The following PLXNA2 variants were observed in gnomAD, a reference collection of about 807,000 sequenced individuals.
PLXNA2 encodes plexin A2.
A neutral mutation model predicts 193.5 loss-of-function variants in PLXNA2; 91 were observed. That is an observed-to-expected ratio of 0.47 (90% CI 0.40 to 0.56). The LOEUF is 0.56. Ranked by LOEUF, PLXNA2 falls within the 20% of genes least tolerant of loss-of-function variation. The pLI is 0.00. For missense variants in PLXNA2, 1,995 were observed against 2,503.2 expected, an observed-to-expected ratio of 0.80 and a Z score of 4.33; for synonymous variants, 997 against 1,027.3, an observed-to-expected ratio of 0.97 and a Z score of 0.56.
intron 1 of PLXNA2, among the ~76,000 whole-genome samples, chr1:208,220,804 C>T (rs535315179): frequency 6.6e-6 from 1 of 152,120 alleles, no homozygotes; most frequent in Non-Finnish European, 1.5e-5. Flanking sequence ...CAGCTCTTGA[C>T]TTCTCTTTTT....
intron 3 of PLXNA2, among the ~76,000 whole-genome samples, chr1:208,163,644 G>A (rs1441584340): frequency 6.6e-6 from 1 of 152,212 alleles, no homozygotes; most frequent in Non-Finnish European, 1.5e-5. Flanking sequence ...TCCCCAGGAA[G>A]CTTTTCCTGA....
In PLXNA2 at chr1:208,179,871, AC is replaced by A. The variant is rs533109279; in HGVS notation, c.1371+30408del. On this transcript the variant is annotated intron_variant, in intron 3 of 31. Coordinates refer to ENST00000367033, the MANE Select transcript of PLXNA2 (RefSeq NM_025179.4). ...TCTTCCTTCTACAGTATCCCCTGCC[AC>A]CCCCCAACCCCTGCCTAAGGCATCT... Among the ~76,000 whole-genome samples, 120 of 151,820 alleles carry A rather than the reference AC, an allele frequency of 7.9e-4. 1 individual carries two copies. The highest frequency in any genetic ancestry group is 3.4e-3 in the Middle Eastern group (1 of 294).
intron 4 of PLXNA2, among the ~76,000 whole-genome samples, chr1:208,127,295 A>G (rs1668004565): frequency 6.6e-6 from 1 of 152,152 alleles, no homozygotes; most frequent in East Asian, 1.9e-4. Context: ...ACATACACAT[A>G]CTCCTTTTAT....
intron 4 of PLXNA2, among the ~76,000 whole-genome samples, chr1:208,104,172 T>C (rs1416864279): frequency 6.6e-6 from 1 of 152,204 alleles, no homozygotes; most frequent in Non-Finnish European, 1.5e-5. Context: ...GTCCCCCACC[T>C]ACCAGATGTG....
rs1553297870 is a variant in PLXNA2 at position 208,209,983 on chromosome 1, A to ATTTTT, written c.1371+292_1371+296dup. 8.0e-4 allele frequency: 70 copies of ATTTTT among 87,952 alleles called. 1 individual carries two copies. Among genetic ancestry groups the ATTTTT allele is most frequent in the South Asian group, 7.3e-3 (29 of 3,956 alleles). 5.4% of individuals were successfully genotyped at this position (87,952 alleles called of 1,614,324 possible). On this transcript the variant is annotated intron_variant, in intron 3 of 31. Coordinates refer to ENST00000367033, the MANE Select transcript of PLXNA2 (RefSeq NM_025179.4). ...TTGCTTGATTTGGGAATGAAGAGCA[A>ATTTTT]TTTTTTTTTTTTTTTTTTTTTGCTT... is the stretch of plus-strand genomic sequence containing the variant.
chr1:208,141,488 C>A (rs1382123685), intron 4 of PLXNA2, among the ~76,000 whole-genome samples: 4 of 152,172 alleles, frequency 2.6e-5, no homozygotes, highest in African/African-American at 9.7e-5. Context: ...GACTGGCAAT[C>A]CTTTTCCTCA....
chr1:208,121,181 G>A (rs966868587), intron 4 of PLXNA2, among the ~76,000 whole-genome samples: 1 of 152,156 alleles, frequency 6.6e-6, no homozygotes. Flanking sequence ...CCTAAGTAAG[G>A]TCCACCATGA....
In PLXNA2 at chr1:208,217,067, C is replaced by T; in HGVS notation, c.856G>A (p.Asp286Asn). Residue 286 changes from aspartate (D) to asparagine (N), a missense_variant, in exon 2 of 32, where the codon GAT (aspartate) becomes AAT (asparagine). By Grantham distance (23) the Asp-to-Asn change is conservative. Transcript: ENST00000367033. The surrounding 1 kb of genome is among the most constrained non-coding windows in gnomAD (Gnocchi z 4.7). ...YTSRIVRLCK[D>N]DPKFHSYVSL... ...ACGTATGAGTGGAACTTGGGGTCAT[C>T]CTTGCAGAGCCGCACGATGCGTGAG... is the stretch of plus-strand genomic sequence containing the variant. 4 of 1,613,814 alleles carry T rather than the reference C, an allele frequency of 2.5e-6. No individual in the cohort carries two copies. The highest frequency in any genetic ancestry group is 3.4e-6 in the Non-Finnish European group (4 of 1,179,720).
Position 208,098,972 on chromosome 1 carries a change from G to A in PLXNA2, c.1608-3C>T, listed in dbSNP as rs766258828. 2.5e-6 allele frequency: 4 copies of A among 1,612,492 alleles called. No homozygotes were observed. In the African/African-American group the frequency reaches 4.0e-5, roughly 16 times the overall value. On this transcript the variant is annotated splice_polypyrimidine_tract_variant and splice_region_variant and intron_variant, in intron 5 of 31. Coordinates refer to ENST00000367033, the MANE Select transcript of PLXNA2 (RefSeq NM_025179.4). Reference sequence around the variant, plus strand: ...GGCATTTGTCCCTGCGGGAGCACCTGCCATAAACACAGATTCACAAGAGGT... The same window carrying A: ...GGCATTTGTCCCTGCGGGAGCACCTACCATAAACACAGATTCACAAGAGGT...
At chr1:208,076,951 T>C (rs1271319021) in intron 12 of PLXNA2, among the ~76,000 whole-genome samples, 1 of 152,178 alleles carries the variant, frequency 6.6e-6, no homozygotes, top group Non-Finnish European at 1.5e-5. Flanking sequence ...TGTACCTTTT[T>C]ATAAGTCTAA....
chr1:208,150,844 G>C (rs946703633), intron 3 of PLXNA2, among the ~76,000 whole-genome samples: 1 of 152,164 alleles, frequency 6.6e-6, no homozygotes, highest in Non-Finnish European at 1.5e-5. Context: ...GACACAAAGA[G>C]CTAGAAGCAA....
chr1:208,242,917 C>T (rs866883106), intron 1 of PLXNA2, among the ~76,000 whole-genome samples: 4 of 152,248 alleles, frequency 2.6e-5, no homozygotes, highest in Non-Finnish European at 4.4e-5. Flanking sequence ...AGGAAACATT[C>T]TCAAATGGTT....
chr1:208,055,710 A>G lies in PLXNA2; in HGVS notation c.2739-1172T>C, dbSNP rs544252103. Among the ~76,000 whole-genome samples the G allele has an allele frequency of 3.3e-5, 5 of 152,156 alleles. No individual in the cohort carries two copies. The South Asian group carries it at 1.0e-3, about 32-fold the overall frequency. On this transcript the variant is annotated intron_variant, in intron 13 of 31. Transcript: ENST00000367033. ...CGATGCTTATCTCAACAGCTTCTCT[A>G]GGAAGGAAGGTAACTAAACAGAGAT...
intron 4 of PLXNA2, among the ~76,000 whole-genome samples, chr1:208,129,103 T>C (rs1437334604): frequency 2.0e-5 from 3 of 152,270 alleles, no homozygotes; most frequent in Non-Finnish European, 2.9e-5. Flanking sequence ...GCTGCAGAAA[T>C]GATACAATGA....
rs2102351014 is a variant in PLXNA2, at chr1:208,022,299, A to C, written c.*4944T>G. 6.5e-6 allele frequency: 1 copy of C among 152,678 alleles called. No homozygotes were observed. Among genetic ancestry groups the C allele is most frequent in the African/African-American group, 2.4e-5 (1 of 41,532 alleles). The allele number at this position is 152,678 out of a possible 1,614,324, so 9.5% of individuals were successfully genotyped here. ...GTAAACTTTATTTATATATAACAAC[A>C]GTACAAATTGTGTCCTCAGCTTGCA... On this transcript the variant is annotated 3_prime_UTR_variant, in exon 32 of 32. Transcript: ENST00000367033.
chr1:208,168,763 T>C (rs2028799), intron 3 of PLXNA2, among the ~76,000 whole-genome samples: 272 of 112,492 alleles, frequency 2.4e-3, no homozygotes, highest in South Asian at 0.02. Flanking sequence ...GAATGACAGG[T>C]AGTGCTCCTG....
chr1:208,142,566 C>A, intron 3 of PLXNA2, 103 bp from the exon 4 acceptor site: 3 of 1,136,944 alleles, frequency 2.6e-6, no homozygotes, highest in Non-Finnish European at 3.6e-6. Context: ...CCATTGCTAA[C>A]CCCCAGTCAC....
rs537959793 is a variant in PLXNA2, at chr1:208,159,190, G to A, written c.1372-16727C>T. Among the ~76,000 whole-genome samples the A allele has an allele frequency of 5.3e-5, 8 of 152,300 alleles. No individual in the cohort carries two copies. In the East Asian group the frequency reaches 1.4e-3, roughly 26 times the overall value. On this transcript the variant is annotated intron_variant, in intron 3 of 31. Coordinates refer to ENST00000367033, the MANE Select transcript of PLXNA2 (RefSeq NM_025179.4). ...GCTCTGGGGAGGGCTCCTCAGAGCTGGGCATTGATTCTCCCAGCCAATGTT... is the reference window on the plus strand; with the variant it reads ...GCTCTGGGGAGGGCTCCTCAGAGCTAGGCATTGATTCTCCCAGCCAATGTT...
intron 4 of PLXNA2, among the ~76,000 whole-genome samples, chr1:208,135,961 C>G (rs35223772): frequency 6.6e-6 from 1 of 152,156 alleles, no homozygotes; most frequent in Non-Finnish European, 1.5e-5. Flanking sequence ...AGTACTCACT[C>G]TTGGAGTCCT....
Sources: allele counts gnomAD v4.1 joint callset (sites outside exome capture counted in the v4.1 genomes callset), GRCh38; gene constraint gnomAD v4.1.1; non-coding constraint Gnocchi (gnomAD v3.1); transcripts MANE v1.5; gene names NCBI Gene and HGNC (gene_info 2026-07-23, HGNC 2026-07-21).